CERS6: variants seen among roughly 807,000 people sequenced by gnomAD.
CERS6 encodes the protein ceramide synthase 6, also known as LAG1 homolog, ceramide synthase 6.
In CERS6, 26 loss-of-function variants were observed where a neutral mutation model predicts 56.8. The ratio of observed to expected loss-of-function variants is 0.46; its 90% confidence interval spans 0.34 to 0.63. The LOEUF is 0.63. Ranked by LOEUF, CERS6 falls within the 30% of genes least tolerant of loss-of-function variation. CERS6 has a pLI of 0.01. For synonymous variants in CERS6, 164 were observed against 173.3 expected (o/e 0.95, Z 0.42); for missense variants, 415 against 467.5 (o/e 0.89, Z 1.04).
At chr2:168,576,741 C>CACATACATACAT (rs143929422) in intron 3 of CERS6, among the ~76,000 whole-genome samples, 17 of 152,250 alleles carry the variant, frequency 1.1e-4, no homozygotes, top group East Asian at 5.8e-4. Context: ...CACCTATACA[C>CACATACATACAT]ACATACATAC....
intron 3 of CERS6, among the ~76,000 whole-genome samples, chr2:168,622,411 A>G (rs191047745): frequency 3.5e-4 from 53 of 152,302 alleles, no homozygotes; most frequent in African/African-American, 1.2e-3. Context: ...TTACTCTTCA[A>G]AAGTAATGTC....
At chr2:168,603,909 A>G (rs1259651898) in intron 3 of CERS6, among the ~76,000 whole-genome samples, 1 of 152,208 alleles carries the variant, frequency 6.6e-6, no homozygotes, top group Non-Finnish European at 1.5e-5. Context: ...TCCGTAGTCT[A>G]TATCCAAGTC....
chr2:168,534,034 A>G (rs1163456285), intron 1 of CERS6, among the ~76,000 whole-genome samples: 1 of 151,906 alleles, frequency 6.6e-6, no homozygotes, highest in Non-Finnish European at 1.5e-5. Flanking sequence ...TGTATGCTTC[A>G]CGAAGTTCTC....
rs948113633 is a variant in CERS6 at position 168,770,819 on chromosome 2, T to C, written c.*1157T>C. On this transcript the variant is annotated 3_prime_UTR_variant, in exon 10 of 10. Transcript: ENST00000305747. Reference sequence around the variant, plus strand: ...GTAATCCAGATGACTTTCCTGTTACTAAACACTGAGCAGCATTACACTACA... The same window carrying C: ...GTAATCCAGATGACTTTCCTGTTACCAAACACTGAGCAGCATTACACTACA... The C allele has an allele frequency of 6.6e-6, 1 of 152,444 alleles. No individual in the cohort carries two copies. Among genetic ancestry groups the C allele is most frequent in the African/African-American group, 2.4e-5 (1 of 41,466 alleles). 9.4% of individuals were successfully genotyped at this position (152,444 alleles called of 1,614,324 possible). A position where few individuals can be genotyped will look rare whatever the true frequency, so the allele number is the denominator to read the frequency against.
chr2:168,772,214 C>T lies in CERS6; in HGVS notation c.*2552C>T, dbSNP rs1207710377. 6.6e-6 allele frequency: 1 copy of T among 152,270 alleles called. No homozygotes were observed. The highest frequency in any genetic ancestry group is 1.5e-5 in the Non-Finnish European group (1 of 68,030). 9.4% of individuals were successfully genotyped at this position (152,270 alleles called of 1,614,324 possible). A position where few individuals can be genotyped will look rare whatever the true frequency, so the allele number is the denominator to read the frequency against. On this transcript the variant is annotated 3_prime_UTR_variant, in exon 10 of 10. Transcript: ENST00000305747. ...GCTGTTTTTCGTTAATTAACTTAGCCTGTGTTGATATCTCCTCCTTCCTGG... is the reference window on the plus strand; with the variant it reads ...GCTGTTTTTCGTTAATTAACTTAGCTTGTGTTGATATCTCCTCCTTCCTGG...
At chr2:168,768,397 T>A (rs1453140139) in intron 9 of CERS6, among the ~76,000 whole-genome samples, 4 of 117,078 alleles carry the variant, frequency 3.4e-5, no homozygotes, top group Non-Finnish European at 3.9e-5. Context: ...ACCCGGCTAA[T>A]TTTTTTTTTT....
chr2:168,714,469 A>G (rs537083036), intron 6 of CERS6, among the ~76,000 whole-genome samples: 1 of 152,350 alleles, frequency 6.6e-6, no homozygotes, highest in South Asian at 2.1e-4. Context: ...AATCATTAGT[A>G]GTCAGAGAAG....
At position 168,686,066 on chromosome 2, in the gene CERS6, G is replaced by A. The variant is rs62174416; in HGVS notation, c.466-4968G>A. Among the ~76,000 whole-genome samples, 1,330 of 145,390 alleles carry A rather than the reference G, an allele frequency of 9.1e-3. 14 individuals carry two copies. Among genetic ancestry groups the A allele is most frequent in the South Asian group, 0.023 (96 of 4,238 alleles). ...ATGCTGTTAGTCAGCTCAGACTGCT[G>A]TAACAAAATACCGCATACTAGATGG... On this transcript the variant is annotated intron_variant, in intron 4 of 9. Coordinates refer to ENST00000305747, the MANE Select transcript of CERS6 (RefSeq NM_203463.3).
Position 168,461,995 on chromosome 2 carries a change from T to C in CERS6, c.170+5377T>C, listed in dbSNP as rs150326802. On this transcript the variant is annotated intron_variant, in intron 1 of 9. Coordinates refer to ENST00000305747, the MANE Select transcript of CERS6 (RefSeq NM_203463.3). ...GTTCCATGGCTTTGTCAGACATTGC[T>C]GCACCATCCTCAGGCTGCCCTCTTG... is the stretch of plus-strand genomic sequence containing the variant. 6.0e-3 allele frequency among the ~76,000 whole-genome samples: 914 copies of C among 152,352 alleles called. 9 individuals carry two copies. Among genetic ancestry groups the C allele is most frequent in the African/African-American group, 0.02 (824 of 41,576 alleles).
intron 4 of CERS6, among the ~76,000 whole-genome samples, chr2:168,642,565 T>C (rs543420117): frequency 2.6e-5 from 4 of 152,312 alleles, no homozygotes; most frequent in African/African-American, 9.6e-5. Flanking sequence ...ATTACTACAA[T>C]GTTAACAGAG....
At chr2:168,577,949 A>T (rs1683318275) in intron 3 of CERS6, among the ~76,000 whole-genome samples, 1 of 152,118 alleles carries the variant, frequency 6.6e-6, no homozygotes, top group African/African-American at 2.4e-5. Context: ...GGGGAATAAG[A>T]GGTGTAGGTG....
chr2:168,497,466 A>G (rs1340185157), intron 1 of CERS6, among the ~76,000 whole-genome samples: 1 of 152,242 alleles, frequency 6.6e-6, no homozygotes, highest in East Asian at 1.9e-4. Context: ...TGTACAGAGG[A>G]ATGGGAATAC....
At chr2:168,745,399 G>A (rs1316398154) in intron 8 of CERS6, among the ~76,000 whole-genome samples, 3 of 151,880 alleles carry the variant, frequency 2.0e-5, no homozygotes, top group African/African-American at 7.3e-5. Context: ...CCACCACCAC[G>A]CCTAGCTAAT....
At chr2:168,579,411 T>A (rs1311395981) in intron 3 of CERS6, among the ~76,000 whole-genome samples, 1 of 152,062 alleles carries the variant, frequency 6.6e-6, no homozygotes, top group African/African-American at 2.4e-5. Context: ...TTTAAAAAAA[T>A]CCTGTCTCTT....
At chr2:168,560,364 C>T (rs1471590714) in intron 2 of CERS6, among the ~76,000 whole-genome samples, 1 of 152,170 alleles carries the variant, frequency 6.6e-6, no homozygotes, top group African/African-American at 2.4e-5. Context: ...CTGAGTTGTA[C>T]ATACAGTTTC....
intron 3 of CERS6, among the ~76,000 whole-genome samples, chr2:168,565,828 T>C (rs1695874244): frequency 6.6e-6 from 1 of 152,106 alleles, no homozygotes. Context: ...GCAACTGAAA[T>C]AGAGAATTTC....
intron 6 of CERS6, among the ~76,000 whole-genome samples, chr2:168,697,221 G>A (rs1340361192): frequency 6.6e-6 from 1 of 152,196 alleles, no homozygotes; most frequent in Admixed American, 6.5e-5. Context: ...ATTCTCAGAA[G>A]TAGGTGGTCC....
intron 4 of CERS6, among the ~76,000 whole-genome samples, chr2:168,650,036 TA>T (rs111857176): frequency 9.2e-5 from 14 of 151,920 alleles, no homozygotes; most frequent in Non-Finnish European, 2.1e-4. Flanking sequence ...ATTTAACAAA[TA>T]GGGGAAAAAA....
chr2:168,556,991 C>CAAAAAAAA (rs71003046), intron 2 of CERS6, among the ~76,000 whole-genome samples: 1 of 82,320 alleles, frequency 1.2e-5, no homozygotes, highest in African/African-American at 4.0e-5. Context: ...CTTGTCTCTA[C>CAAAAAAAA]AAAAAAAAAA....
Sources: allele counts gnomAD v4.1 joint callset (sites outside exome capture counted in the v4.1 genomes callset), GRCh38; gene constraint gnomAD v4.1.1; transcripts MANE v1.5; gene names NCBI Gene and HGNC (gene_info 2026-07-23, HGNC 2026-07-21).